The following MBD1 variants were observed in gnomAD, a reference collection of about 807,000 sequenced individuals.
MBD1 encodes the protein methyl-CpG binding domain protein 1.
A neutral mutation model predicts 82.6 loss-of-function variants in MBD1; 25 were observed. The observed-to-expected ratio is 0.30, with a 90% CI of 0.22 to 0.42. MBD1 has a LOEUF of 0.42. Among genes scored for constraint, MBD1 ranks in the 10% least tolerant of loss-of-function variants. MBD1 has a pLI of 1.00. For synonymous variants in MBD1, 301 were observed against 303.7 expected (o/e 0.99, Z 0.09); for missense variants, 627 against 819.6 (o/e 0.76, Z 2.87).
chr18:50,275,287 A>G, intron 8 of MBD1, 42 bp from the exon 9 acceptor site: 1 of 1,611,458 alleles, frequency 6.2e-7, no homozygotes, highest in East Asian at 2.2e-5. Context: ...TGGTGGCACC[A>G]GGCAGACACA....
At chr18:50,277,903 T>C (rs767274094) in intron 2 of MBD1, among the ~76,000 whole-genome samples, 5 of 152,232 alleles carry the variant, frequency 3.3e-5, no homozygotes, top group Admixed American at 6.5e-5. Context: ...CCTATAATAA[T>C]ACAACCCTCT....
chr18:50,273,782 T>C lies in MBD1; in HGVS notation c.1228A>G (p.Ser410Gly). ...CCAAGATGGTGCCGTCGGGCAGAGCTGGGCCTCTTTCGACGACGGTAAGGT... is the reference window on the plus strand; with the variant it reads ...CCAAGATGGTGCCGTCGGGCAGAGCCGGGCCTCTTTCGACGACGGTAAGGT... ...PPPYRRRKRP[S>G]SARRHHLGPT... is the part of the protein sequence containing the mutation. The change falls in exon 12 of 17, where the codon AGC (serine) becomes GGC (glycine). Residue 410 changes from serine to glycine, a missense_variant. Around this residue, in one of 6 missense-constraint regions of MBD1, gnomAD observed 265 missense variants for 278.4 expected, o/e 0.95. Transcript: ENST00000269468. The C allele has an allele frequency of 6.2e-7, 1 of 1,614,066 alleles. No homozygotes were observed. The highest frequency in any genetic ancestry group is 8.5e-7 in the Non-Finnish European group (1 of 1,180,020).
At chr18:50,271,693 T>C (rs1599253789) in intron 15 of MBD1, among the ~76,000 whole-genome samples, 153 bp from the exon 16 acceptor site, 1 of 152,316 alleles carries the variant, frequency 6.6e-6, no homozygotes, top group Admixed American at 6.5e-5. Context: ...ACTACCATTA[T>C]AGACAGCTTG....
Position 50,275,623 on chromosome 18 carries a change from A to G in MBD1, c.769T>C (p.Cys257Arg). The change falls in exon 8 of 17, where the codon TGT becomes CGT. Residue 257 changes from cysteine to arginine, a missense_variant. Around this residue, in one of 6 missense-constraint regions of MBD1, gnomAD observed 228 missense variants for 318.1 expected, o/e 0.72. Coordinates refer to ENST00000269468, the MANE Select transcript of MBD1 (RefSeq NM_015846.4). ...PRPGLRRQWK[C>R]VQRRCLRGKH... is the part of the protein sequence containing the mutation. ...ACCCGTAGGCAACGTCGCTGGACACATTTCCACTGGCGCCTGAGACCAGGG... is the reference window on the plus strand; with the variant it reads ...ACCCGTAGGCAACGTCGCTGGACACGTTTCCACTGGCGCCTGAGACCAGGG... The G allele has an allele frequency of 1.2e-6, 2 of 1,614,152 alleles. No individual in the cohort carries two copies. Among genetic ancestry groups the G allele is most frequent in the Non-Finnish European group, 1.7e-6 (2 of 1,180,016 alleles).
chr18:50,269,116 A>C lies in MBD1; in HGVS notation c.*735T>G, dbSNP rs1599171150. ...TATCCTAGTATTAAGTACAGTGCCT[A>C]CCACAGGCCAGGTTCTCAATACTTG... On this transcript the variant is annotated 3_prime_UTR_variant, in exon 17 of 17. Coordinates refer to ENST00000269468, the MANE Select transcript of MBD1 (RefSeq NM_015846.4). 17 of 1,025,486 alleles carry C rather than the reference A, an allele frequency of 1.7e-5. No homozygotes were observed. Among genetic ancestry groups the C allele is most frequent in the Non-Finnish European group, 1.9e-5 (16 of 853,814 alleles). 63.5% of individuals were successfully genotyped at this position (1,025,486 alleles called of 1,614,324 possible). A position where few individuals can be genotyped will look rare whatever the true frequency, so the allele number is the denominator to read the frequency against.
chr18:50,279,262 C>T (rs750045887), intron 2 of MBD1, among the ~76,000 whole-genome samples: 1 of 152,222 alleles, frequency 6.6e-6, no homozygotes, highest in African/African-American at 2.4e-5. Flanking sequence ...TTTCTCATCT[C>T]TTACATAGCT....
downstream of MBD1, among the ~76,000 whole-genome samples, chr18:50,268,153 G>A (rs189848601): frequency 2.6e-5 from 4 of 152,312 alleles, no homozygotes; most frequent in East Asian, 7.7e-4. Context: ...GGGCCCGCCC[G>A]TCGGTCCGGG....
rs968275601 is a variant in MBD1, at chr18:50,276,310, G to T, written c.516+68C>A. The stretch of plus-strand genomic sequence containing the variant: ...CTGTGGACCCATCATCATCCCTTCA[G>T]ACTCTACCAGCTCCATCACATCCTG... On this transcript the variant is annotated intron_variant, in intron 6 of 16. Coordinates refer to ENST00000269468, the MANE Select transcript of MBD1 (RefSeq NM_015846.4). The T allele has an allele frequency of 2.6e-6, 4 of 1,512,316 alleles. No individual in the cohort carries two copies. In the African/African-American group the frequency reaches 5.5e-5, roughly 21 times the overall value. The allele number at this position is 1,512,316 out of a possible 1,614,324, so 93.7% of individuals were successfully genotyped here.
In MBD1 at chr18:50,271,584, A is replaced by G. The variant is rs748989773; in HGVS notation, c.1779-44T>C. ...GTCTGTATGTTGAATGAGGTTTGCTATGTGCGCAATGGAGCATTACAAAAC... is the reference window on the plus strand; with the variant it reads ...GTCTGTATGTTGAATGAGGTTTGCTGTGTGCGCAATGGAGCATTACAAAAC... On this transcript the variant is annotated intron_variant, in intron 15 of 16. Transcript: ENST00000269468. The G allele has an allele frequency of 1.9e-6, 3 of 1,609,452 alleles. No individual in the cohort carries two copies. In the African/African-American group the frequency reaches 4.0e-5, roughly 22 times the overall value.
rs549472820 is a variant in MBD1, at chr18:50,270,099, A to C, written c.*33-281T>G. 1.4e-4 allele frequency: 228 copies of C among 1,598,310 alleles called. 3 individuals carry two copies. The South Asian group carries it at 2.4e-3, about 17-fold the overall frequency. On this transcript the variant is annotated intron_variant, in intron 16 of 16. Transcript: ENST00000269468. ...GGTGGTTGGTTCCTGGGGGAAACAA[A>C]GCAGTATCAGTCTATCCAGTCTTGA...
intron 6 of MBD1, 26 bp from the exon 7 acceptor site, chr18:50,276,007 C>T (rs1229439917): frequency 6.2e-7 from 1 of 1,604,408 alleles, no homozygotes; most frequent in Non-Finnish European, 8.5e-7. Context: ...GGGACGAGAT[C>T]ACGGGCCTGC....
chr18:50,273,111 A>G lies in MBD1; in HGVS notation c.1585-156T>C. On this transcript the variant is annotated intron_variant, in intron 13 of 16. Coordinates refer to ENST00000269468, the MANE Select transcript of MBD1 (RefSeq NM_015846.4). ...CTGCCTACAAAGCTTTCCCATTCCC[A>G]TTCCTCACTGACCTCCGTTTTTCTG... 3.2e-6 allele frequency: 4 copies of G among 1,231,108 alleles called. No individual in the cohort carries two copies. The South Asian group carries it at 5.2e-5, about 16-fold the overall frequency. The allele number at this position is 1,231,108 out of a possible 1,614,324, so 76.3% of individuals were successfully genotyped here. A position where few individuals can be genotyped will look rare whatever the true frequency, so the allele number is the denominator to read the frequency against.
Position 50,275,006 on chromosome 18 carries a change from T to A in MBD1, c.949A>T (p.Ile317Phe). The A allele has an allele frequency of 2.5e-6, 4 of 1,614,204 alleles. No homozygotes were observed. Among genetic ancestry groups the A allele is most frequent in the South Asian group, 1.1e-5 (1 of 91,082 alleles). Residue 317 changes from isoleucine (I) to phenylalanine (F), a missense_variant, in exon 10 of 17, where the codon ATC (isoleucine) becomes TTC (phenylalanine). By Grantham distance (21) the Ile-to-Phe change is conservative (BLOSUM62 0). Coordinates refer to ENST00000269468, the MANE Select transcript of MBD1 (RefSeq NM_015846.4). ...ALAPSPPAEF[I>F]YYCVDEDELQ... ...TCGTCCTCGTCTACACAGTAATAGATGAACTCGGCAGGTGGCGAGGGGGCC... is the reference window on the plus strand; with the variant it reads ...TCGTCCTCGTCTACACAGTAATAGAAGAACTCGGCAGGTGGCGAGGGGGCC...
intron 13 of MBD1, 172 bp downstream of exon 13, chr18:50,273,162 G>A (rs1422519520): frequency 8.1e-7 from 1 of 1,230,490 alleles, no homozygotes. Flanking sequence ...AGCGGGCAAA[G>A]CTAGTTGCCT....
rs1262457866 is a variant in MBD1 at position 50,281,490 on chromosome 18, G to T, written c.-153C>A. On this transcript the variant is annotated 5_prime_UTR_variant, in exon 1 of 17. Coordinates refer to ENST00000269468, the MANE Select transcript of MBD1 (RefSeq NM_015846.4). ...CTCCGCGGCCGCCTCCTCTGAAGCG[G>T]TAGCTGTCGCCTCCGCGGCTGTTCG... 1.0e-5 allele frequency: 6 copies of T among 583,836 alleles called. No homozygotes were observed. Among genetic ancestry groups the T allele is most frequent in the South Asian group, 6.3e-5 (3 of 47,888 alleles). The allele number at this position is 583,836 out of a possible 1,614,324, so 36.2% of individuals were successfully genotyped here.
chr18:50,281,264 C>T lies in MBD1; in HGVS notation c.-26+99G>A, dbSNP rs1429087742. 8 of 1,512,874 alleles carry T rather than the reference C, an allele frequency of 5.3e-6. No homozygotes were observed. In the South Asian group the frequency reaches 8.4e-5, roughly 16 times the overall value. The allele number at this position is 1,512,874 out of a possible 1,614,324, so 93.7% of individuals were successfully genotyped here. ...GCCGCCATTCCTCCCCCTTATCGGC[C>T]TGAGGGCCCTTCATTCCTCCCCGTC... is the stretch of plus-strand genomic sequence containing the variant. On this transcript the variant is annotated intron_variant, in intron 1 of 16. Coordinates refer to ENST00000269468, the MANE Select transcript of MBD1 (RefSeq NM_015846.4).
chr18:50,271,138 T>A (rs1435402935), intron 16 of MBD1: 2 of 1,159,506 alleles, frequency 1.7e-6, no homozygotes, highest in Non-Finnish European at 2.1e-6. Flanking sequence ...CAGAAGCCAC[T>A]TACAATTACT....
chr18:50,278,605 T>C (rs1340809322), intron 2 of MBD1, among the ~76,000 whole-genome samples: 3 of 152,252 alleles, frequency 2.0e-5, no homozygotes, highest in East Asian at 1.9e-4. Context: ...CCTGGAAAGA[T>C]AGCAACTTAG....
At chr18:50,267,863 G>C (rs2034097974), downstream of MBD1, among the ~76,000 whole-genome samples, 1 of 152,188 alleles carries the variant, frequency 6.6e-6, no homozygotes, top group Non-Finnish European at 1.5e-5. Context: ...ACCCACTTCG[G>C]ATTTTGTATG....
Sources: gnomAD v4.1 joint callset for allele counts (sites outside exome capture counted in the v4.1 genomes callset) on GRCh38, gnomAD v4.1.1 for gene constraint, gnomAD v4.1.1 regional missense constraint, MANE v1.5 for transcripts, NCBI Gene and HGNC (gene_info 2026-07-23, HGNC 2026-07-21) for gene names.